NDRG2: variants seen among roughly 807,000 people sequenced by gnomAD.
NDRG2 encodes the protein NDRG family member 2.
A neutral mutation model predicts 58.2 loss-of-function variants in NDRG2; 34 were observed. The ratio of observed to expected loss-of-function variants is 0.58; its 90% confidence interval spans 0.44 to 0.78. NDRG2 has a LOEUF of 0.78. Ranked by LOEUF, NDRG2 falls within the 30% of genes least tolerant of loss-of-function variation. The probability of loss-of-function intolerance (pLI) is 0.00; values close to 1 mark genes in which losing one functional copy is unlikely to be tolerated. For synonymous variants in NDRG2, 187 were observed against 175.9 expected (o/e 1.06, Z -0.50); for missense variants, 434 against 471.2 (o/e 0.92, Z 0.73).
intron 1 of NDRG2, among the ~76,000 whole-genome samples, chr14:21,038,765 C>T (rs1015259373): frequency 6.6e-6 from 1 of 152,146 alleles, no homozygotes; most frequent in Non-Finnish European, 1.5e-5. Flanking sequence ...AGACAAGGCC[C>T]CAGTGAACCC....
At chr14:21,054,099 G>C (rs1393273487) in intron 1 of NDRG2, among the ~76,000 whole-genome samples, 3 of 152,178 alleles carry the variant, frequency 2.0e-5, no homozygotes, top group African/African-American at 7.2e-5. Flanking sequence ...AATTGGCTCT[G>C]AAATGAAACA....
At chr14:21,032,654 T>C in intron 1 of NDRG2, 1 of 342,394 alleles carries the variant, frequency 2.9e-6, no homozygotes, top group Non-Finnish European at 5.6e-6. Flanking sequence ...CAGAACTAAG[T>C]TTTACCCCAC....
Position 21,056,237 on chromosome 14 carries a change from T to C in NDRG2, c.24+14591A>G, listed in dbSNP as rs1885669289. ...CTGAGAAACTGCAGTGCAGAGCCAG[T>C]TCCCCAACTGCAGTCATTTGCTTTA... is the stretch of plus-strand genomic sequence containing the variant. On this transcript the variant is annotated intron_variant, in intron 1 of 14. Coordinates refer to the NDRG2 transcript ENST00000403829. Among the ~76,000 whole-genome samples the C allele has an allele frequency of 3.3e-5, 5 of 152,238 alleles. 1 individual carries two copies. The South Asian group carries it at 1.0e-3, about 32-fold the overall frequency.
chr14:21,019,187 T>A, intron 10 of NDRG2, 27 bp from the exon 11 acceptor site: 1 of 1,599,848 alleles, frequency 6.3e-7, no homozygotes, highest in Non-Finnish European at 8.5e-7. Flanking sequence ...AGAGTAGGAA[T>A]TTTAGGTGGG....
At chr14:21,059,475 GTTTTTTTGGGT>G in intron 1 of NDRG2, among the ~76,000 whole-genome samples, 1 of 90,724 alleles carries the variant, frequency 1.1e-5, no homozygotes, top group East Asian at 3.0e-4. Context: ...AAGTTACTGG[GTTTTTTTGGGT>G]TTTTTTTTTC....
chr14:21,037,971 T>G (rs1013017229), intron 1 of NDRG2, among the ~76,000 whole-genome samples: 2 of 152,150 alleles, frequency 1.3e-5, no homozygotes, highest in African/African-American at 2.4e-5. Context: ...CCCCAAAATT[T>G]TGCTCTGAGT....
chr14:21,045,207 G>A (rs1416820962), intron 1 of NDRG2, among the ~76,000 whole-genome samples: 2 of 152,180 alleles, frequency 1.3e-5, no homozygotes, highest in Non-Finnish European at 2.9e-5. Flanking sequence ...GGACAAGCCC[G>A]CAGGCAGAGT....
upstream of NDRG2, chr14:21,028,414 A>G (rs562035935): frequency 2.6e-5 from 4 of 152,110 alleles, no homozygotes; most frequent in South Asian, 2.1e-4. Context: ...ACCACTCCCA[A>G]CTAATTTTTT....
Position 21,017,695 on chromosome 14 carries a change from A to T in NDRG2, c.1017T>A (p.Val339=), listed in dbSNP as rs150196221. ...TGCGAGAGCGGGACCGGTTGCCATC[A>T]ACGGATGCTGCACTGGTCAGAGAGG... ...RTASLTSAAS[V]DGNRSRSRTL... Residue 339 remains valine, a synonymous_variant, in exon 16 of 16, where the codon GTT becomes GTA. Coordinates refer to ENST00000556147, the MANE Select transcript of NDRG2 (RefSeq NM_001320329.2). 11 of 1,608,988 alleles carry T rather than the reference A, an allele frequency of 6.8e-6. No homozygotes were observed. The African/African-American group carries it at 1.3e-4, about 20-fold the overall frequency.
At chr14:21,033,740 G>A (rs778505220) in intron 1 of NDRG2, 2 of 1,019,672 alleles carry the variant, frequency 2.0e-6, no homozygotes, top group Admixed American at 3.4e-5. Flanking sequence ...CAGGAAGGAA[G>A]TCTTGTTACA....
chr14:21,043,032 C>T, intron 1 of NDRG2: 1 of 1,614,142 alleles, frequency 6.2e-7, no homozygotes, highest in Non-Finnish European at 8.5e-7. Context: ...CCTTCTGCTG[C>T]TTCTGCTGCT....
At chr14:21,029,766 T>C (rs1268448768), upstream of NDRG2, among the ~76,000 whole-genome samples, 5 of 152,168 alleles carry the variant, frequency 3.3e-5, no homozygotes. Flanking sequence ...CCTTCTACCA[T>C]GTGAGGACAC....
At chr14:21,068,793 A>G (rs1886437721) in intron 1 of NDRG2, among the ~76,000 whole-genome samples, 2 of 152,178 alleles carry the variant, frequency 1.3e-5, no homozygotes, top group African/African-American at 2.4e-5. Context: ...TTTTTGACGC[A>G]TGGAGCAGAG....
In NDRG2 at chr14:21,019,711, T is replaced by C. The variant is rs1398688429; in HGVS notation, c.644A>G (p.Gln215Arg). The C allele has an allele frequency of 7.4e-6, 12 of 1,613,766 alleles. No homozygotes were observed. Among genetic ancestry groups the C allele is most frequent in the Non-Finnish European group, 1.0e-5 (12 of 1,179,646 alleles). ...EELSGNSELI[Q>R]KYRNIITHAP... ...ATGTGTAATGATATTTCTGTACTTT[T>C]GTATCAACTCAGAATTTCCAGAGAG... is the stretch of plus-strand genomic sequence containing the variant. The change falls in exon 10 of 16, where the codon CAA (glutamine) becomes CGA (arginine). Residue 215 changes from glutamine to arginine, a missense_variant. Physicochemically the swap from Gln to Arg is conservative, Grantham distance 43. Coordinates refer to ENST00000556147, the MANE Select transcript of NDRG2 (RefSeq NM_001320329.2).
Position 21,018,038 on chromosome 14 carries a change from G to C in NDRG2, c.898C>G (p.Pro300Ala), listed in dbSNP as rs1877773195. 3.1e-6 allele frequency: 5 copies of C among 1,613,944 alleles called. No homozygotes were observed. Among genetic ancestry groups the C allele is most frequent in the African/African-American group, 1.3e-5 (1 of 74,928 alleles). The stretch of plus-strand genomic sequence containing the variant: ...TTGAAGGCCTCGGTCAGCTTGCCTG[G>C]CTGCGGAAGTAAGAAGAGGCGAGGG... The part of the protein sequence containing the change: ...DSGGQPQLTQ[P>A]GKLTEAFKYF... Residue 300 changes from proline (P) to alanine (A), a missense_variant and splice_region_variant, in exon 15 of 16, where the codon CCA becomes GCA. Coordinates refer to ENST00000556147, the MANE Select transcript of NDRG2 (RefSeq NM_001320329.2).
At chr14:21,030,072 T>G (rs1025142129), upstream of NDRG2, 5 of 153,254 alleles carry the variant, frequency 3.3e-5, no homozygotes, top group Admixed American at 2.6e-4. Flanking sequence ...GTCAGAAAGT[T>G]GGCAGTTTGC....
At chr14:21,068,454 A>C (rs991853278) in intron 1 of NDRG2, among the ~76,000 whole-genome samples, 1 of 152,106 alleles carries the variant, frequency 6.6e-6, no homozygotes, top group Non-Finnish European at 1.5e-5. Flanking sequence ...AGTGTTCCCT[A>C]AACAATTTGC....
At chr14:21,020,048 C>G (rs1476071203) in intron 8 of NDRG2, 72 bp from the exon 9 acceptor site, 1 of 1,443,682 alleles carries the variant, frequency 6.9e-7, no homozygotes, top group South Asian at 1.2e-5. Flanking sequence ...GTAATCCCAG[C>G]ACTTTGGGAG....
At chr14:21,046,551 A>ATACCTACC in intron 1 of NDRG2, among the ~76,000 whole-genome samples, 1 of 141,944 alleles carries the variant, frequency 7.0e-6, no homozygotes, top group East Asian at 2.1e-4. Context: ...AAATACATAC[A>ATACCTACC]TACATACATA....
Sources: allele counts gnomAD v4.1 joint callset (sites outside exome capture counted in the v4.1 genomes callset), GRCh38; gene constraint gnomAD v4.1.1; transcripts MANE v1.5; gene names NCBI Gene and HGNC (gene_info 2026-07-23, HGNC 2026-07-21).